The following RSPH14 variants were observed in gnomAD, a reference collection of about 807,000 sequenced individuals.
The protein encoded by RSPH14 is radial spoke head 14 homolog, also known as rhabdoid tumor deletion region gene 1.
Under a neutral mutation model 26.7 loss-of-function variants are expected in RSPH14, and 20 were observed. The observed-to-expected ratio is 0.75, with a 90% CI of 0.53 to 1.09. RSPH14 has a LOEUF of 1.09. RSPH14 is among the 50% of genes least tolerant of loss of function. The pLI, the probability that RSPH14 is intolerant of heterozygous loss-of-function variation, is 0.00. For missense variants in RSPH14, 449 were observed against 457.2 expected (o/e 0.98, Z 0.16); for synonymous variants, 177 against 189.3 (o/e 0.93, Z 0.53).
Position 23,087,147 on chromosome 22 carries a change from A to C in RSPH14, c.422-23014T>G, listed in dbSNP as rs543415908. 1.8e-3 allele frequency among the ~76,000 whole-genome samples: 270 copies of C among 152,326 alleles called. 2 individuals are homozygous for C. The highest frequency in any genetic ancestry group is 3.2e-3 in the Non-Finnish European group (216 of 68,026). ...GAGCTGATGTAGGGACGGCGGCTCC[A>C]GAGTTGGGGGCAGCACCCACTCTTT... On this transcript the variant is annotated intron_variant, in intron 4 of 6. Transcript: ENST00000216036.
At chr22:23,086,423 C>T (rs895881913) in intron 4 of RSPH14, among the ~76,000 whole-genome samples, 13 of 152,242 alleles carry the variant, frequency 8.5e-5, no homozygotes, top group African/African-American at 2.2e-4. Context: ...TGGCAGCAGA[C>T]GGGGTGGCAC....
chr22:23,147,768 G>A (rs1183761031), upstream of RSPH14, among the ~76,000 whole-genome samples: 1 of 152,196 alleles, frequency 6.6e-6, no homozygotes, highest in African/African-American at 2.4e-5. Context: ...GAGGGGACTG[G>A]TTAAACAAGT....
chr22:23,108,455 G>A (rs562376191), intron 4 of RSPH14, among the ~76,000 whole-genome samples: 2 of 152,234 alleles, frequency 1.3e-5, no homozygotes, highest in African/African-American at 2.4e-5. Context: ...CAAAGGCCTC[G>A]AGGTGACAGA....
intron 3 of RSPH14, among the ~76,000 whole-genome samples, chr22:23,135,121 G>A (rs2070442823): frequency 6.6e-6 from 1 of 151,924 alleles, no homozygotes. Context: ...CAGTGAGCTA[G>A]GATCATGCCA....
At chr22:23,078,103 G>C (rs2068555958) in intron 4 of RSPH14, among the ~76,000 whole-genome samples, 1 of 152,222 alleles carries the variant, frequency 6.6e-6, no homozygotes, top group Non-Finnish European at 1.5e-5. Flanking sequence ...CTGCTGGTGA[G>C]GGCGGGTGCG....
the RSPH14 span, among the ~76,000 whole-genome samples, chr22:23,167,302 C>G: frequency 6.6e-6 from 1 of 152,214 alleles, no homozygotes; most frequent in Non-Finnish European, 1.5e-5. Context: ...GCTGAGCCTT[C>G]CCCTTCACTG....
At chr22:23,120,651 CTG>C (rs1459025778) in intron 4 of RSPH14, among the ~76,000 whole-genome samples, 1 of 152,148 alleles carries the variant, frequency 6.6e-6, no homozygotes, top group Non-Finnish European at 1.5e-5. Flanking sequence ...AGCACCCACT[CTG>C]TGCTTGTCCC....
Position 23,140,225 on chromosome 22 carries a change from T to A in RSPH14, c.196A>T (p.Ile66Leu). The A allele has an allele frequency of 6.2e-7, 1 of 1,613,684 alleles. No individual in the cohort carries two copies. The highest frequency in any genetic ancestry group is 8.5e-7 in the Non-Finnish European group (1 of 1,180,028). ...DPECIYKAMN[I>L]GCMENLKALL... ...ACCTGTGCTGTGTCACGCTCACCTA[T>A]GTTCATGGCCTTGTAGATACACTCG... is the stretch of plus-strand genomic sequence containing the variant. Residue 66 changes from isoleucine (I) to leucine (L), a missense_variant, in exon 2 of 7, where the codon ATA becomes TTA. Coordinates refer to ENST00000216036, the MANE Select transcript of RSPH14 (RefSeq NM_014433.3).
chr22:23,078,076 A>G (rs1173417473), intron 4 of RSPH14, among the ~76,000 whole-genome samples: 3 of 152,140 alleles, frequency 2.0e-5, no homozygotes, highest in Non-Finnish European at 4.4e-5. Flanking sequence ...GGCCCTGTAG[A>G]GTGGCTACCA....
At chr22:23,147,340 C>CTT (rs917877071), upstream of RSPH14, among the ~76,000 whole-genome samples, 3 of 145,778 alleles carry the variant, frequency 2.1e-5, no homozygotes, top group African/African-American at 7.6e-5. Flanking sequence ...TTTCTTTTTT[C>CTT]TTTTTTTTTT....
At position 23,133,839 on chromosome 22, in the gene RSPH14, C is replaced by G. The variant is rs866562998; in HGVS notation, c.421+187G>C. 1.3e-5 allele frequency: 6 copies of G among 477,262 alleles called. No individual in the cohort carries two copies. In the Admixed American group the frequency reaches 1.4e-4, roughly 11 times the overall value. 29.6% of individuals were successfully genotyped at this position (477,262 alleles called of 1,614,324 possible). ...TCCTGACTTCGTGATCTGCCTGCCT[C>G]GGCCTCCCAAAGTGCTGGGATTACA... is the stretch of plus-strand genomic sequence containing the variant. On this transcript the variant is annotated intron_variant, in intron 4 of 6. Transcript: ENST00000216036.
At chr22:23,124,425 T>C in intron 4 of RSPH14, 1 of 469,980 alleles carries the variant, frequency 2.1e-6, no homozygotes, top group South Asian at 1.6e-5. Context: ...TGAGTGGCAG[T>C]CCTGCGCCAG....
chr22:23,159,211 A>G, the RSPH14 span: 2 of 1,607,078 alleles, frequency 1.2e-6, no homozygotes, highest in South Asian at 1.1e-5. Flanking sequence ...GCACCTGGCC[A>G]GGGAGATGCA....
At chr22:23,114,286 A>G (rs1400617790) in intron 4 of RSPH14, among the ~76,000 whole-genome samples, 5 of 152,318 alleles carry the variant, frequency 3.3e-5, no homozygotes, top group African/African-American at 1.2e-4. Flanking sequence ...GAACACTCCC[A>G]GCTTTTCTAC....
chr22:23,081,959 A>G (rs2068691474), intron 4 of RSPH14, among the ~76,000 whole-genome samples: 1 of 150,804 alleles, frequency 6.6e-6, no homozygotes, highest in South Asian at 2.1e-4. Context: ...CCTCATCTCT[A>G]CTAAAAATAC....
chr22:23,119,703 G>C (rs926053510), intron 4 of RSPH14, among the ~76,000 whole-genome samples: 2 of 152,216 alleles, frequency 1.3e-5, no homozygotes, highest in African/African-American at 4.8e-5. Context: ...GATGGAGTGA[G>C]GCGGCAAGCT....
intron 4 of RSPH14, among the ~76,000 whole-genome samples, chr22:23,114,871 C>T (rs1222137023): frequency 6.6e-6 from 1 of 152,178 alleles, no homozygotes; most frequent in Non-Finnish European, 1.5e-5. Context: ...ATCCCTCACA[C>T]AAGAGCACCT....
At chr22:23,084,943 G>A (rs1037635517) in intron 4 of RSPH14, among the ~76,000 whole-genome samples, 1 of 152,212 alleles carries the variant, frequency 6.6e-6, no homozygotes, top group Admixed American at 6.5e-5. Context: ...ATTGCACACT[G>A]GAGGTTATGA....
chr22:23,077,312 G>C (rs2068533480), intron 4 of RSPH14, among the ~76,000 whole-genome samples: 1 of 152,170 alleles, frequency 6.6e-6, no homozygotes, highest in South Asian at 2.1e-4. Context: ...CTTGCTGACT[G>C]TCTCTTCTCT....
Sources: allele counts gnomAD v4.1 joint callset (sites outside exome capture counted in the v4.1 genomes callset), GRCh38; gene constraint gnomAD v4.1.1; transcripts MANE v1.5; gene names NCBI Gene and HGNC (gene_info 2026-07-23, HGNC 2026-07-21).